Variants in GGNBP2 observed in about 807,000 individuals in gnomAD.
GGNBP2 encodes gametogenetin binding protein 2.
GGNBP2 carries 10 observed loss-of-function variants against 85.9 expected under a neutral mutation model. That is an observed-to-expected ratio of 0.12 (90% CI 0.07 to 0.20). The LOEUF is 0.20. GGNBP2 is among the 10% of genes least tolerant of loss of function. GGNBP2 has a pLI of 1.00. For missense variants in GGNBP2, 595 were observed against 857.8 expected (o/e 0.69, Z 3.83); for synonymous variants, 287 against 285.7 (o/e 1.00, Z -0.05).
chr17:36,575,633 TATATATATATA>T (rs1325330844), intron 6 of GGNBP2, among the ~76,000 whole-genome samples: 64 of 48,190 alleles, frequency 1.3e-3, no homozygotes, highest in African/African-American at 5.0e-3. Context: ...TATATATATA[TATATATATATA>T]TATATTTTTT....
At chr17:36,554,329 G>GAAA (rs1230176491) in intron 2 of GGNBP2, among the ~76,000 whole-genome samples, 3 of 122,522 alleles carry the variant, frequency 2.4e-5, no homozygotes, top group African/African-American at 6.6e-5. Context: ...AAAAAAAAAT[G>GAAA]GAAACTTGTC....
At chr17:36,588,327 G>A (rs1555609630) in intron 13 of GGNBP2, among the ~76,000 whole-genome samples, 1 of 151,612 alleles carries the variant, frequency 6.6e-6, no homozygotes, top group Non-Finnish European at 1.5e-5. Flanking sequence ...GTGCGATCTC[G>A]GCTAATCGCA....
intron 9 of GGNBP2, chr17:36,581,754 TAC>T (rs1368912302): frequency 1.2e-5 from 4 of 320,048 alleles, no homozygotes; most frequent in Non-Finnish European, 2.2e-5. Flanking sequence ...AAATAAAAAG[TAC>T]AGTCGTCCCT....
chr17:36,574,798 A>G (rs1308786996), intron 6 of GGNBP2: 2 of 655,710 alleles, frequency 3.1e-6, no homozygotes, highest in Admixed American at 4.5e-5. Flanking sequence ...TCGGCTTGCA[A>G]GGGATGGTGT....
At chr17:36,554,328 T>A (rs114358689) in intron 2 of GGNBP2, among the ~76,000 whole-genome samples, 7,354 of 108,026 alleles carry the variant, frequency 0.068, 635 homozygotes, top group African/African-American at 0.18. Flanking sequence ...AAAAAAAAAA[T>A]GGAAACTTGT....
chr17:36,584,571 C>T (rs1031654325), intron 9 of GGNBP2, among the ~76,000 whole-genome samples: 1 of 152,194 alleles, frequency 6.6e-6, no homozygotes. Context: ...CTCCTGACCT[C>T]AAGTGATCCA....
chr17:36,572,238 ATT>A (rs1555606933), intron 6 of GGNBP2, among the ~76,000 whole-genome samples: 1 of 152,168 alleles, frequency 6.6e-6, no homozygotes, highest in Non-Finnish European at 1.5e-5. Flanking sequence ...TTCAAGTTTT[ATT>A]ATTGTTCTCT....
intron 5 of GGNBP2, among the ~76,000 whole-genome samples, chr17:36,562,906 AG>A (rs2074431961): frequency 7.8e-6 from 1 of 127,580 alleles, no homozygotes; most frequent in African/African-American, 3.0e-5. Context: ...TGGAGGTTGC[AG>A]TGAGCTGAGA....
rs34799358 is a variant in GGNBP2 at position 36,562,953 on chromosome 17, C to CAA, written c.527+2111_527+2112dup. On this transcript the variant is annotated intron_variant, in intron 5 of 13. Transcript: ENST00000613102. ...TGGGCGACAGAGCGAGACTCTGTCTCAAAAAAAAAAAAAAAAAAAAAAAAA... is the reference window on the plus strand; with the variant it reads ...TGGGCGACAGAGCGAGACTCTGTCTCAAAAAAAAAAAAAAAAAAAAAAAAAAA... 1.9e-3 allele frequency among the ~76,000 whole-genome samples: 77 copies of CAA among 40,552 alleles called. 5 individuals carry two copies. The highest frequency in any genetic ancestry group is 3.6e-3 in the African/African-American group (32 of 8,790). The allele number at this position is 40,552 out of a possible 152,430, so 26.6% of individuals were successfully genotyped here.
chr17:36,551,204 A>G (rs959613438), intron 2 of GGNBP2, among the ~76,000 whole-genome samples: 4 of 140,284 alleles, frequency 2.9e-5, no homozygotes, highest in African/African-American at 5.0e-5. Context: ...CGTGTTCTTT[A>G]TTGACTTTTT....
chr17:36,577,838 A>T, intron 6 of GGNBP2, 145 bp from the exon 7 acceptor site: 1 of 675,414 alleles, frequency 1.5e-6, no homozygotes, highest in Non-Finnish European at 2.6e-6. Flanking sequence ...TATTTACCTT[A>T]TGTGCGTATG....
intron 6 of GGNBP2, among the ~76,000 whole-genome samples, chr17:36,570,890 C>T (rs367816180): frequency 6.0e-5 from 9 of 150,930 alleles, no homozygotes; most frequent in African/African-American, 2.2e-4. Context: ...CATGGTGGTG[C>T]ACTTCTGTAA....
In GGNBP2 at chr17:36,554,826, A is replaced by C. The variant is rs770807947; in HGVS notation, c.100A>C (p.Met34Leu). 14 of 1,597,712 alleles carry C rather than the reference A, an allele frequency of 8.8e-6. No homozygotes were observed. In the South Asian group the frequency reaches 1.1e-4, roughly 13 times the overall value. The change falls in exon 3 of 14, where the codon ATG becomes CTG. Residue 34 changes from methionine (M) to leucine (L), a missense_variant. Transcript: ENST00000613102. Reference sequence around the variant, plus strand: ...GTTCTGTTTGCATTTTAAGATGGTGATGGAATTTCCTGATAATGTGTTAAA... The same window carrying C: ...GTTCTGTTTGCATTTTAAGATGGTGCTGGAATTTCCTGATAATGTGTTAAA... ...LYIDDTLTMV[M>L]EFPDNVLNLD...
chr17:36,577,751 T>G (rs930045197), intron 6 of GGNBP2: 9 of 573,336 alleles, frequency 1.6e-5, no homozygotes, highest in African/African-American at 1.5e-4. Flanking sequence ...CCTCATTCTT[T>G]TAGGCTATGT....
rs1197185991 is a variant in GGNBP2 at position 36,581,326 on chromosome 17, A to C, written c.1021-18A>C. ...AAGTTCTGACCAATATTCACCCTCA[A>C]CCTTATTTTTATAATAGATGACCGT... is the stretch of plus-strand genomic sequence containing the variant. On this transcript the variant is annotated intron_variant, in intron 8 of 13. Transcript: ENST00000613102. The C allele has an allele frequency of 6.5e-7, 1 of 1,535,280 alleles. No homozygotes were observed. Among genetic ancestry groups the C allele is most frequent in the Non-Finnish European group, 8.8e-7 (1 of 1,130,126 alleles).
rs1275286824 is a variant in GGNBP2, at chr17:36,545,709, G to C, written c.-16G>C. ...GGGAGGAGGTGGTGACGGTGGCAACGGCAGCGTCGGGGACGATGGCGCGAC... is the reference window on the plus strand; with the variant it reads ...GGGAGGAGGTGGTGACGGTGGCAACCGCAGCGTCGGGGACGATGGCGCGAC... On this transcript the variant is annotated 5_prime_UTR_variant, in exon 2 of 14. Transcript: ENST00000613102. 1.9e-6 allele frequency: 3 copies of C among 1,558,894 alleles called. No individual in the cohort carries two copies.
rs189284721 is a variant in GGNBP2, at chr17:36,587,401, C to T, written c.1890+156C>T. 1.2e-3 allele frequency: 978 copies of T among 799,872 alleles called. 2 individuals are homozygous for T. Among genetic ancestry groups the T allele is most frequent in the Non-Finnish European group, 1.8e-3 (893 of 491,648 alleles). 49.5% of individuals were successfully genotyped at this position (799,872 alleles called of 1,614,324 possible). On this transcript the variant is annotated intron_variant, in intron 13 of 13. Transcript: ENST00000613102. ...TATTGTTTGGGGACTTCATTTCTGT[C>T]CTTCCACTCGTGGTTTATGCAACTA...
chr17:36,555,080 T>A (rs189665623), intron 3 of GGNBP2, among the ~76,000 whole-genome samples, 180 bp downstream of exon 3: 3 of 152,198 alleles, frequency 2.0e-5, no homozygotes, highest in Non-Finnish European at 4.4e-5. Context: ...GTAACTGCCA[T>A]GTGAAAAAGA....
At chr17:36,549,519 C>T (rs892144379) in intron 2 of GGNBP2, among the ~76,000 whole-genome samples, 4 of 152,052 alleles carry the variant, frequency 2.6e-5, no homozygotes, top group African/African-American at 7.2e-5. Flanking sequence ...ATATATATTC[C>T]TTCTAAAATC....
Sources: gnomAD v4.1 joint callset for allele counts (sites outside exome capture counted in the v4.1 genomes callset) on GRCh38, gnomAD v4.1.1 for gene constraint, MANE v1.5 for transcripts, NCBI Gene and HGNC (gene_info 2026-07-23, HGNC 2026-07-21) for gene names.